Variants in BLMH observed in about 807,000 individuals in gnomAD.
BLMH encodes the protein BLM hydrolase.
A neutral mutation model predicts 61.6 loss-of-function variants in BLMH; 32 were observed. That is an observed-to-expected ratio of 0.52 (90% CI 0.39 to 0.70). The LOEUF (loss-of-function observed/expected upper bound fraction) is 0.70, where lower values mean the gene tolerates loss of function less well. Among genes scored for constraint, BLMH ranks in the 30% least tolerant of loss-of-function variants. The pLI, the probability that BLMH is intolerant of heterozygous loss-of-function variation, is 0.00. For synonymous variants in BLMH, 183 were observed against 193.8 expected (o/e 0.94, Z 0.46); for missense variants, 460 against 555.5 (o/e 0.83, Z 1.73).
chr17:30,275,547 A>G (rs1194468483), intron 6 of BLMH, among the ~76,000 whole-genome samples: 2 of 151,056 alleles, frequency 1.3e-5, no homozygotes, highest in Non-Finnish European at 3.0e-5. Context: ...CTAGCTGGGC[A>G]TGGTGGTATG....
intron 10 of BLMH, among the ~76,000 whole-genome samples, chr17:30,270,395 G>A (rs774850491): frequency 1.3e-5 from 2 of 151,216 alleles, no homozygotes; most frequent in East Asian, 1.9e-4. Flanking sequence ...CCAGCTACTC[G>A]CAAGGCTGAG....
At chr17:30,277,412 G>A (rs1329269459) in intron 6 of BLMH, among the ~76,000 whole-genome samples, 3 of 152,200 alleles carry the variant, frequency 2.0e-5, no homozygotes, top group African/African-American at 7.2e-5. Flanking sequence ...GGTAACTATG[G>A]TCAAGTCAAT....
At chr17:30,288,041 T>C (rs1264062199) in intron 3 of BLMH, 94 bp from the exon 4 acceptor site, 3 of 1,260,734 alleles carry the variant, frequency 2.4e-6, no homozygotes, top group Admixed American at 2.5e-5. Context: ...GGAATTACCA[T>C]GGAATCAACA....
chr17:30,249,350 G>A, intron 11 of BLMH, 182 bp from the exon 12 acceptor site: 2 of 682,816 alleles, frequency 2.9e-6, no homozygotes, highest in South Asian at 4.1e-5. Context: ...GACAGGCATG[G>A]CTCTATTTTT....
chr17:30,272,482 A>G (rs1908303885), intron 9 of BLMH, 79 bp downstream of exon 9: 1 of 1,513,176 alleles, frequency 6.6e-7, no homozygotes, highest in Non-Finnish European at 9.2e-7. Flanking sequence ...GAACCTCGGC[A>G]GAGTCATTTT....
At chr17:30,287,247 G>A (rs757913732) in intron 4 of BLMH, among the ~76,000 whole-genome samples, 2 of 152,156 alleles carry the variant, frequency 1.3e-5, no homozygotes, top group African/African-American at 2.4e-5. Context: ...GGCTGGTACT[G>A]AGCTCCTGGG....
intron 11 of BLMH, among the ~76,000 whole-genome samples, chr17:30,263,192 T>G (rs1291525453): frequency 5.3e-5 from 8 of 152,168 alleles, no homozygotes; most frequent in African/African-American, 1.9e-4. Flanking sequence ...GGCTCTGGTG[T>G]CAGGCCATCT....
intron 6 of BLMH, among the ~76,000 whole-genome samples, chr17:30,279,757 G>A (rs535989596): frequency 3.3e-5 from 5 of 152,148 alleles, no homozygotes; most frequent in South Asian, 4.2e-4. Context: ...AGCTGTGATC[G>A]TAACACTGCA....
intron 6 of BLMH, among the ~76,000 whole-genome samples, chr17:30,279,963 T>C (rs1379262722): frequency 9.1e-6 from 1 of 109,578 alleles, no homozygotes; most frequent in Non-Finnish European, 2.0e-5. Context: ...TAAAGACAAA[T>C]GATATGGGCC....
Position 30,272,783 on chromosome 17 carries a change from G to A in BLMH, c.918C>T (p.Asp306=). The A allele has an allele frequency of 2.5e-6, 4 of 1,614,186 alleles. No homozygotes were observed. Among genetic ancestry groups the A allele is most frequent in the Non-Finnish European group, 3.4e-6 (4 of 1,180,040 alleles). The change falls in exon 8 of 12, where the codon GAC becomes GAT. Residue 306 remains aspartate, a synonymous_variant. Transcript: ENST00000261714. ...RKTLYNNQPI[D]FLKKMVAASI... Reference sequence around the variant, plus strand: ...AGGCAGCAACCATCTTTTTCAGGAAGTCAATGGGCTGGTTGTTGTATAGAG... The same window carrying A: ...AGGCAGCAACCATCTTTTTCAGGAAATCAATGGGCTGGTTGTTGTATAGAG...
intron 11 of BLMH, among the ~76,000 whole-genome samples, chr17:30,263,609 CA>C (rs544958415): frequency 8.5e-5 from 13 of 152,264 alleles, no homozygotes; most frequent in Admixed American, 5.2e-4. Flanking sequence ...TACAGTAAAG[CA>C]AAAACTGATT....
At chr17:30,252,703 G>A (rs1206819796) in intron 11 of BLMH, among the ~76,000 whole-genome samples, 2 of 152,036 alleles carry the variant, frequency 1.3e-5, no homozygotes, top group East Asian at 1.9e-4. Flanking sequence ...CAAGTGCTCC[G>A]ACCAAGGCAG....
chr17:30,291,657 C>G (rs1050212299), intron 1 of BLMH, 149 bp from the exon 2 acceptor site: 4 of 1,370,752 alleles, frequency 2.9e-6, no homozygotes, highest in Middle Eastern at 5.2e-4. Flanking sequence ...CTCCAAGGAG[C>G]TGTCTCCCTC....
chr17:30,280,303 G>A (rs1908552023), intron 6 of BLMH, among the ~76,000 whole-genome samples: 1 of 152,056 alleles, frequency 6.6e-6, no homozygotes, highest in African/African-American at 2.4e-5. Flanking sequence ...CACTGTTAAG[G>A]CTAGAAGATT....
chr17:30,288,084 C>T, intron 3 of BLMH, 137 bp from the exon 4 acceptor site: 1 of 928,718 alleles, frequency 1.1e-6, no homozygotes, highest in Non-Finnish European at 1.5e-6. Context: ...AAACATGAAA[C>T]CTTCATGAAT....
Position 30,271,552 on chromosome 17 carries a change from A to AC in BLMH, c.1029-165_1029-164insG, listed in dbSNP as rs1426178443. On this transcript the variant is annotated intron_variant, in intron 9 of 11. Transcript: ENST00000261714. The stretch of plus-strand genomic sequence containing the variant: ...AAAGAATATGGAACATGCAGAACTT[A>AC]GTCTCTCAGTGGGAGTCCATTCTCT... The AC allele has an allele frequency of 5.2e-6, 3 of 578,196 alleles. No homozygotes were observed. The Admixed American group carries it at 8.7e-5, about 17-fold the overall frequency. The allele number at this position is 578,196 out of a possible 1,614,324, so 35.8% of individuals were successfully genotyped here.
chr17:30,288,100 T>C lies in BLMH; in HGVS notation c.322-153A>G, dbSNP rs543630100. On this transcript the variant is annotated intron_variant, in intron 3 of 11. Coordinates refer to ENST00000261714, the MANE Select transcript of BLMH (RefSeq NM_000386.4). Reference sequence around the variant, plus strand: ...AACATGAAACCTTCATGAATTTGCATGTCATCCTTGTACAGAGGCCATGCT... The same window carrying C: ...AACATGAAACCTTCATGAATTTGCACGTCATCCTTGTACAGAGGCCATGCT... The C allele has an allele frequency of 4.8e-5, 38 of 798,378 alleles. No homozygotes were observed. In the East Asian group the frequency reaches 9.9e-4, roughly 21 times the overall value. 49.5% of individuals were successfully genotyped at this position (798,378 alleles called of 1,614,324 possible).
At chr17:30,273,439 T>C (rs1307646980) in intron 7 of BLMH, 2 of 157,922 alleles carry the variant, frequency 1.3e-5, no homozygotes, top group Admixed American at 1.3e-4. Flanking sequence ...TGTGCTGGGA[T>C]TACAGGCATG....
intron 4 of BLMH, 80 bp downstream of exon 4, chr17:30,287,726 A>C (rs1374293828): frequency 6.6e-7 from 1 of 1,523,914 alleles, no homozygotes; most frequent in Non-Finnish European, 9.0e-7. Context: ...GTACACAACC[A>C]CCAAAGAATT....
Sources: gnomAD v4.1 joint callset for allele counts (sites outside exome capture counted in the v4.1 genomes callset) on GRCh38, gnomAD v4.1.1 for gene constraint, MANE v1.5 for transcripts, NCBI Gene and HGNC (gene_info 2026-07-23, HGNC 2026-07-21) for gene names.